Variants in OR1B1 observed in about 807,000 individuals in gnomAD.
OR1B1 encodes olfactory receptor family 1 subfamily B member 1, also known as olfactory receptor 1B1.
For missense variants in OR1B1, 414 were observed against 402.1 expected (o/e 1.03, Z -0.25); for synonymous variants, 168 against 156.2 (o/e 1.08, Z -0.57).
chr9:122,656,716 TCA>T, the OR1B1 span, among the ~76,000 whole-genome samples: 1 of 152,204 alleles, frequency 6.6e-6, no homozygotes, highest in Non-Finnish European at 1.5e-5. Flanking sequence ...CAGTATCATT[TCA>T]CAGTCTACAA....
chr9:122,630,539 C>T (rs16912006), upstream of OR1B1, among the ~76,000 whole-genome samples: 2,304 of 152,268 alleles, frequency 0.015, 33 homozygotes, highest in African/African-American at 0.041. Context: ...ATAGGTCTTC[C>T]ATACTGATAC....
At chr9:122,654,337 C>T in the OR1B1 span, among the ~76,000 whole-genome samples, 1 of 152,142 alleles carries the variant, frequency 6.6e-6, no homozygotes, top group African/African-American at 2.4e-5. Flanking sequence ...GTATCCAGAG[C>T]GAGACTTGCT....
chr9:122,648,938 G>A, the OR1B1 span, among the ~76,000 whole-genome samples: 1 of 152,226 alleles, frequency 6.6e-6, no homozygotes, highest in East Asian at 1.9e-4. Flanking sequence ...AGCCCATATA[G>A]CCAAGACAAT....
At chr9:122,638,982 T>A in the OR1B1 span, among the ~76,000 whole-genome samples, 58 of 152,312 alleles carry the variant, frequency 3.8e-4, no homozygotes, top group African/African-American at 1.4e-3. Flanking sequence ...CTTTGGTTTA[T>A]GCTACACTAC....
chr9:122,634,659 T>C, the OR1B1 span, among the ~76,000 whole-genome samples: 6 of 152,078 alleles, frequency 3.9e-5, no homozygotes, highest in African/African-American at 4.8e-5. Context: ...TCCCTTGACA[T>C]GTGGTGATTA....
chr9:122,645,692 G>A, the OR1B1 span, among the ~76,000 whole-genome samples: 5 of 151,978 alleles, frequency 3.3e-5, no homozygotes, highest in Admixed American at 6.6e-5. Context: ...TATACCCAGT[G>A]AAAATATCCA....
upstream of OR1B1, among the ~76,000 whole-genome samples, chr9:122,631,802 C>T (rs143005097): frequency 4.9e-4 from 74 of 152,280 alleles, no homozygotes; most frequent in African/African-American, 1.6e-3. Flanking sequence ...GGAAAACACA[C>T]ACACACACCT....
chr9:122,628,568 C>G, downstream of OR1B1: 1 of 1,551,026 alleles, frequency 6.4e-7, no homozygotes, highest in South Asian at 1.1e-5. Flanking sequence ...ATATGGCCCA[C>G]AGCAGGCTAA....
the OR1B1 span, among the ~76,000 whole-genome samples, chr9:122,638,655 C>T: frequency 6.6e-6 from 1 of 152,114 alleles, no homozygotes; most frequent in Non-Finnish European, 1.5e-5. Flanking sequence ...GAAAAGGTCA[C>T]AATACTTGTG....
At chr9:122,629,648 A>G, upstream of OR1B1, 1 of 684,560 alleles carries the variant, frequency 1.5e-6, no homozygotes, top group Non-Finnish European at 2.5e-6. Context: ...AAAGATCGTT[A>G]AAGACCTAGA....
chr9:122,628,566 C>T, downstream of OR1B1: 2 of 1,538,416 alleles, frequency 1.3e-6, no homozygotes, highest in Non-Finnish European at 1.8e-6. Flanking sequence ...CAATATGGCC[C>T]ACAGCAGGCT....
chr9:122,632,730 GA>G (rs1487658862), upstream of OR1B1, among the ~76,000 whole-genome samples: 7 of 152,246 alleles, frequency 4.6e-5, no homozygotes, highest in East Asian at 1.2e-3. Flanking sequence ...CTAATTCTAA[GA>G]AAAATACCCA....
chr9:122,634,058 C>T (rs1218128881), upstream of OR1B1, among the ~76,000 whole-genome samples: 1 of 152,046 alleles, frequency 6.6e-6, no homozygotes, highest in Non-Finnish European at 1.5e-5. Context: ...CAAAATTAGC[C>T]AGGCATGGTG....
the OR1B1 span, among the ~76,000 whole-genome samples, chr9:122,654,637 G>T: frequency 6.6e-6 from 1 of 151,978 alleles, no homozygotes; most frequent in African/African-American, 2.4e-5. Context: ...CTGAAACTTT[G>T]TACCCTTCAG....
At chr9:122,638,902 G>A in the OR1B1 span, among the ~76,000 whole-genome samples, 1,298 of 152,266 alleles carry the variant, frequency 8.5e-3, 21 homozygotes, top group African/African-American at 0.03. Flanking sequence ...CAGCAAGACT[G>A]AGAGATGGAA....
chr9:122,640,588 A>G, the OR1B1 span, among the ~76,000 whole-genome samples: 1 of 152,184 alleles, frequency 6.6e-6, no homozygotes, highest in African/African-American at 2.4e-5. Context: ...GTCACCATGA[A>G]TCAATCGTAT....
chr9:122,650,877 T>C, the OR1B1 span, among the ~76,000 whole-genome samples: 1 of 151,870 alleles, frequency 6.6e-6, no homozygotes, highest in Non-Finnish European at 1.5e-5. Context: ...TACAAAAAAT[T>C]AGCTGGGCAT....
the OR1B1 span, among the ~76,000 whole-genome samples, chr9:122,641,517 G>T: frequency 6.6e-6 from 1 of 152,270 alleles, no homozygotes; most frequent in Non-Finnish European, 1.5e-5. Context: ...GAATGGAAAT[G>T]CAGGGTGGAA....
upstream of OR1B1, among the ~76,000 whole-genome samples, chr9:122,633,422 C>A (rs150995228): frequency 2.6e-5 from 4 of 152,210 alleles, no homozygotes; most frequent in East Asian, 7.7e-4. Flanking sequence ...ACCAAATGCT[C>A]AGGCAACAAA....
Sources: allele counts gnomAD v4.1 joint callset (sites outside exome capture counted in the v4.1 genomes callset), GRCh38; gene constraint gnomAD v4.1.1; transcripts MANE v1.5; gene names NCBI Gene and HGNC (gene_info 2026-07-23, HGNC 2026-07-21).